Variants in DNAH10 observed in about 807,000 individuals in gnomAD.
DNAH10 encodes the protein dynein axonemal heavy chain 10.
In DNAH10, 348 loss-of-function variants were observed where a neutral mutation model predicts 506.6. The observed-to-expected ratio is 0.69, with a 90% confidence interval of 0.63 to 0.75. DNAH10 has a LOEUF of 0.75. DNAH10 is among the 30% of genes least tolerant of loss of function. DNAH10 has a pLI of 0.00. For synonymous variants in DNAH10, 2,059 were observed against 2,198.6 expected, an observed-to-expected ratio of 0.94 and a Z score of 1.78; for missense variants, 5,179 against 5,787.1, an observed-to-expected ratio of 0.89 and a Z score of 3.41.
Position 123,910,681 on chromosome 12 carries a change from C to T in DNAH10, c.10134+9C>T, listed in dbSNP as rs368697543. 28 of 1,609,532 alleles carry T rather than the reference C, an allele frequency of 1.7e-5. No individual in the cohort carries two copies. Among genetic ancestry groups the T allele is most frequent in the African/African-American group, 6.9e-5 (5 of 72,490 alleles). ...AGCCCAAAAGAGAGAAGGTATTGCCCGAATGTAAGACTGCCACACCACTGC... is the reference window on the plus strand; with the variant it reads ...AGCCCAAAAGAGAGAAGGTATTGCCTGAATGTAAGACTGCCACACCACTGC... On this transcript the variant is annotated intron_variant, in intron 59 of 78. Transcript: ENST00000673944.
intron 21 of DNAH10, among the ~76,000 whole-genome samples, chr12:123,818,142 T>C (rs1959178060): frequency 6.6e-6 from 1 of 152,006 alleles, no homozygotes; most frequent in Non-Finnish European, 1.5e-5. Context: ...ATACAGCATT[T>C]CTCCACGTTG....
intron 35 of DNAH10, among the ~76,000 whole-genome samples, chr12:123,852,290 G>A (rs1007641230): frequency 7.2e-5 from 11 of 152,160 alleles, no homozygotes; most frequent in Non-Finnish European, 1.6e-4. Flanking sequence ...CCTCTTTTAA[G>A]CTATCTATAA....
intron 47 of DNAH10, among the ~76,000 whole-genome samples, chr12:123,876,201 T>A (rs1952249402): frequency 6.6e-6 from 1 of 152,148 alleles, no homozygotes; most frequent in African/African-American, 2.4e-5. Flanking sequence ...CCTGGCCCGT[T>A]CATGCCCTAC....
intron 57 of DNAH10, among the ~76,000 whole-genome samples, chr12:123,905,497 A>G (rs1953733073): frequency 6.6e-6 from 1 of 152,184 alleles, no homozygotes; most frequent in South Asian, 2.1e-4. Context: ...AATCCAAACG[A>G]GTAGTACCTG....
chr12:123,855,650 T>TA lies in DNAH10; in HGVS notation c.6439-1404dup, dbSNP rs61707714. On this transcript the variant is annotated intron_variant, in intron 36 of 78. Coordinates refer to ENST00000673944, the MANE Select transcript of DNAH10 (RefSeq NM_001372106.1). ...CCCTGTCTCAAAAAAAAAAAAAAAA[T>TA]AATAATAAAAAGTATATATATATAT... Among the ~76,000 whole-genome samples, 81 of 141,020 alleles carry TA rather than the reference T, an allele frequency of 5.7e-4. 1 individual carries two copies. The highest frequency in any genetic ancestry group is 1.4e-3 in the East Asian group (7 of 4,950). The allele number at this position is 141,020 out of a possible 152,430, so 92.5% of individuals were successfully genotyped here.
At position 123,767,569 on chromosome 12, in the gene DNAH10, C is replaced by T. The variant is rs768117670; in HGVS notation, c.215-37C>T. The T allele has an allele frequency of 3.6e-5, 57 of 1,577,994 alleles. 1 individual carries two copies. Among genetic ancestry groups the T allele is most frequent in the South Asian group, 2.3e-4 (20 of 87,092 alleles). On this transcript the variant is annotated intron_variant, in intron 1 of 78. Coordinates refer to ENST00000673944, the MANE Select transcript of DNAH10 (RefSeq NM_001372106.1). ...AGGTGTTTCATGCAGTGAACAATTA[C>T]GTTTAATATTTTCTTCCCATTTATG...
At chr12:123,874,881 C>T (rs1258405313) in intron 46 of DNAH10, among the ~76,000 whole-genome samples, 1 of 151,904 alleles carries the variant, frequency 6.6e-6, no homozygotes, top group African/African-American at 2.4e-5. Flanking sequence ...GTCCATCTGC[C>T]CATCCATCAA....
intron 30 of DNAH10, among the ~76,000 whole-genome samples, chr12:123,844,065 G>A (rs940652112): frequency 1.3e-5 from 2 of 152,178 alleles, no homozygotes; most frequent in African/African-American, 4.8e-5. Context: ...GCATGGCTGG[G>A]GAGGCCTCAG....
chr12:123,787,696 G>A lies in DNAH10; in HGVS notation c.1422-108G>A, dbSNP rs1391597664. ...TTCCGATGAGGCCGTGAAACCAGGG[G>A]GGGCGCCCGGGTCAGAGCTTCACGG... On this transcript the variant is annotated intron_variant, in intron 9 of 78. Transcript: ENST00000673944. This position sits in a 1 kb window ranked among gnomAD's most constrained non-coding sequence, Gnocchi z 4.6. 1 of 1,352,714 alleles carries A rather than the reference G, an allele frequency of 7.4e-7. No homozygotes were observed. Among genetic ancestry groups the A allele is most frequent in the African/African-American group, 1.5e-5 (1 of 68,348 alleles). 83.8% of individuals were successfully genotyped at this position (1,352,714 alleles called of 1,614,324 possible). A position where few individuals can be genotyped will look rare whatever the true frequency, so the allele number is the denominator to read the frequency against.
At chr12:123,771,329 C>T (rs192379000) in intron 2 of DNAH10, among the ~76,000 whole-genome samples, 17 of 152,240 alleles carry the variant, frequency 1.1e-4, no homozygotes, top group Middle Eastern at 6.8e-3. Context: ...AGAAGTCACA[C>T]GGTCACAGGG....
At position 123,928,468 on chromosome 12, in the gene DNAH10, C is replaced by G; in HGVS notation, c.12187C>G (p.Leu4063Val). The G allele has an allele frequency of 6.2e-7, 1 of 1,610,440 alleles. No homozygotes were observed. Reference protein sequence around the residue: ...LQNCHLLVKWLKDLEKSLERI... With the variant: ...LQNCHLLVKWVKDLEKSLERI... ...GAACTGCCACCTCCTGGTCAAGTGG[C>G]TGAAAGATCTGGAGAAGTCCCTGGA... Residue 4063 changes from leucine to valine, a missense_variant, in exon 70 of 79, where the codon CTG becomes GTG. Transcript: ENST00000673944. This position sits in a 1 kb window ranked among gnomAD's most constrained non-coding sequence, Gnocchi z 4.9.
chr12:123,864,738 G>A lies in DNAH10; in HGVS notation c.7044+8G>A. On this transcript the variant is annotated splice_region_variant and intron_variant, in intron 40 of 78. Transcript: ENST00000673944. ...TGTGCCCTGCTCTTTGAGGCAAGTA[G>A]TGATTAAAAGTAAATTTGAACATAA... 1.3e-6 allele frequency: 2 copies of A among 1,592,396 alleles called. No homozygotes were observed. The highest frequency in any genetic ancestry group is 1.2e-5 in the South Asian group (1 of 86,418).
chr12:123,854,136 C>G (rs1438474832), intron 36 of DNAH10, among the ~76,000 whole-genome samples: 1 of 139,348 alleles, frequency 7.2e-6, no homozygotes, highest in Non-Finnish European at 1.5e-5. Flanking sequence ...AAAAAGGAAG[C>G]TGTAAAATGT....
In DNAH10 at chr12:123,881,800, C is replaced by T. The variant is rs1225357257; in HGVS notation, c.8810C>T (p.Thr2937Ile). The T allele has an allele frequency of 1.3e-6, 2 of 1,513,358 alleles. No homozygotes were observed. Among genetic ancestry groups the T allele is most frequent in the Non-Finnish European group, 1.8e-6 (2 of 1,130,964 alleles). The allele number at this position is 1,513,358 out of a possible 1,614,324, so 93.7% of individuals were successfully genotyped here. ...KQSLSRLAAF[T>I]ASCEVFEILL... is the part of the protein sequence containing the mutation. The stretch of plus-strand genomic sequence containing the variant: ...TCTCTTTCGAGGCTGGCTGCCTTCA[C>T]AGCCAGCTGTGAGGTCAGTCCACGT... Residue 2937 changes from threonine to isoleucine, a missense_variant, in exon 51 of 79, where the codon ACA (threonine) becomes ATA (isoleucine). Thr to Ile is a moderately conservative substitution (Grantham distance 89). Transcript: ENST00000673944.
intron 16 of DNAH10, among the ~76,000 whole-genome samples, chr12:123,802,058 T>C (rs1394369250): frequency 6.6e-6 from 1 of 152,242 alleles, no homozygotes; most frequent in Non-Finnish European, 1.5e-5. Context: ...GATCTGCCCT[T>C]GTTGGATGTG....
intron 18 of DNAH10, among the ~76,000 whole-genome samples, chr12:123,805,543 C>T (rs902132700): frequency 6.6e-6 from 1 of 152,194 alleles, no homozygotes; most frequent in Non-Finnish European, 1.5e-5. Flanking sequence ...AAGCTGAGTG[C>T]CTGGACCCCA....
intron 18 of DNAH10, among the ~76,000 whole-genome samples, chr12:123,807,296 G>A (rs1001607544): frequency 6.6e-6 from 1 of 152,086 alleles, no homozygotes; most frequent in Non-Finnish European, 1.5e-5. Flanking sequence ...CACAGACAAG[G>A]CCCCTGTATC....
chr12:123,809,028 A>G (rs1958824590), intron 19 of DNAH10, 75 bp downstream of exon 19: 1 of 1,555,392 alleles, frequency 6.4e-7, no homozygotes, highest in African/African-American at 1.4e-5. Context: ...TGCTGGGACT[A>G]TAGGCGTGAG....
intron 23 of DNAH10, among the ~76,000 whole-genome samples, chr12:123,819,970 G>T (rs148081677): frequency 0.011 from 1,741 of 152,172 alleles, 51 homozygotes; most frequent in African/African-American, 0.04. Context: ...CTCCCAAAGT[G>T]CTGGGATTAC....
Sources: allele counts gnomAD v4.1 joint callset (sites outside exome capture counted in the v4.1 genomes callset), GRCh38; gene constraint gnomAD v4.1.1; non-coding constraint Gnocchi (gnomAD v3.1); transcripts MANE v1.5; gene names NCBI Gene and HGNC (gene_info 2026-07-23, HGNC 2026-07-21).